CCDC149: variants seen among roughly 807,000 people sequenced by gnomAD.
CCDC149 encodes coiled-coil domain-containing protein 149.
A neutral mutation model predicts 59.9 loss-of-function variants in CCDC149; 45 were observed. The observed-to-expected ratio is 0.75, with a 90% CI of 0.59 to 0.96. CCDC149 has a LOEUF of 0.96. CCDC149 is among the 40% of genes least tolerant of loss of function. The pLI is 0.00. For synonymous variants in CCDC149, 245 were observed against 260.6 expected (o/e 0.94, Z 0.58); for missense variants, 584 against 664.7 (o/e 0.88, Z 1.33).
At chr4:24,890,094 G>A (rs1330774151) in intron 1 of CCDC149, among the ~76,000 whole-genome samples, 1 of 152,096 alleles carries the variant, frequency 6.6e-6, no homozygotes, top group Non-Finnish European at 1.5e-5. Flanking sequence ...GAAGCAATGC[G>A]GCACCTGGGC....
At chr4:24,813,558 G>C (rs1180072607) in intron 12 of CCDC149, among the ~76,000 whole-genome samples, 1 of 140,896 alleles carries the variant, frequency 7.1e-6, no homozygotes, top group African/African-American at 2.8e-5. Context: ...AATCTAACAA[G>C]TTTGAATTAA....
chr4:24,888,913 G>T (rs1453193102), intron 1 of CCDC149, among the ~76,000 whole-genome samples: 1 of 147,944 alleles, frequency 6.8e-6, no homozygotes, highest in Non-Finnish European at 1.5e-5. Flanking sequence ...TCTCTAAGAT[G>T]ACTTTTTTTT....
chr4:24,862,298 G>T (rs1402411992), intron 3 of CCDC149, among the ~76,000 whole-genome samples: 1 of 152,208 alleles, frequency 6.6e-6, no homozygotes, highest in East Asian at 1.9e-4. Context: ...CATAAAAACA[G>T]CAAAGCAACT....
In CCDC149 at chr4:24,833,628, A is replaced by G. The variant is rs115588136; in HGVS notation, c.820+1320T>C. ...AACAGAGTGAGACTGTCTCAAAAAA[A>G]AAGATATAGAATTATTTAACACTGC... On this transcript the variant is annotated intron_variant, in intron 8 of 12. Transcript: ENST00000635206. Among the ~76,000 whole-genome samples, 625 of 152,282 alleles carry G rather than the reference A, an allele frequency of 4.1e-3. 8 individuals are homozygous for G. Among genetic ancestry groups the G allele is most frequent in the African/African-American group, 0.014 (579 of 41,542 alleles).
At chr4:24,950,635 A>G (rs1413985491) in intron 1 of CCDC149, among the ~76,000 whole-genome samples, 3 of 152,212 alleles carry the variant, frequency 2.0e-5, no homozygotes, top group Non-Finnish European at 2.9e-5. Flanking sequence ...TCCAATCCTC[A>G]GTGTTCTCAT....
intron 1 of CCDC149, among the ~76,000 whole-genome samples, chr4:24,880,985 C>T (rs118155725): frequency 2.0e-5 from 3 of 152,276 alleles, no homozygotes; most frequent in East Asian, 1.9e-4. Flanking sequence ...GGAGAAAGCA[C>T]GGGGTAAGGG....
chr4:24,963,970 G>C (rs1723720326), intron 1 of CCDC149, among the ~76,000 whole-genome samples: 2 of 152,214 alleles, frequency 1.3e-5, no homozygotes, highest in Non-Finnish European at 2.9e-5. Flanking sequence ...CAAGGCAGGA[G>C]GATGGCTTGA....
Position 24,906,364 on chromosome 4 carries a change from AATTTT to A in CCDC149, c.63+6448_63+6452del, listed in dbSNP as rs1553859579. ...AGAGTAACTCAGGGGCAGCGGAACA[AATTTT>A]ATTTTATTTTATTTTATTTTATTTT... On this transcript the variant is annotated intron_variant, in intron 1 of 12. Transcript: ENST00000635206. 8.1e-4 allele frequency among the ~76,000 whole-genome samples: 34 copies of A among 42,036 alleles called. 1 individual carries two copies. Among genetic ancestry groups the A allele is most frequent in the Middle Eastern group, 0.013 (1 of 76 alleles). 27.6% of individuals were successfully genotyped at this position (42,036 alleles called of 152,430 possible).
At chr4:24,838,801 C>T (rs563897738) in intron 4 of CCDC149, among the ~76,000 whole-genome samples, 3 of 149,118 alleles carry the variant, frequency 2.0e-5, no homozygotes, top group African/African-American at 7.4e-5. Context: ...CAAAAAAAAA[C>T]CAACTAGAAA....
chr4:24,897,298 T>A, intron 1 of CCDC149, among the ~76,000 whole-genome samples: 1 of 152,156 alleles, frequency 6.6e-6, no homozygotes, highest in Non-Finnish European at 1.5e-5. Context: ...GTGGTTGTTT[T>A]CCAGGAGTGC....
intron 4 of CCDC149, among the ~76,000 whole-genome samples, chr4:24,850,604 G>T (rs1176331167): frequency 6.6e-6 from 1 of 152,180 alleles, no homozygotes; most frequent in Non-Finnish European, 1.5e-5. Flanking sequence ...TGTGGCTGCA[G>T]AAATGAGTAG....
chr4:24,873,026 C>T (rs1719145237), intron 3 of CCDC149, among the ~76,000 whole-genome samples: 1 of 144,224 alleles, frequency 6.9e-6, no homozygotes, highest in Admixed American at 6.7e-5. Flanking sequence ...TGGTATGCAC[C>T]CACCAAATGG....
At position 24,839,219 on chromosome 4, in the gene CCDC149, G is replaced by A. The variant is rs571517940; in HGVS notation, c.373-947C>T. Among the ~76,000 whole-genome samples the A allele has an allele frequency of 1.2e-4, 18 of 149,602 alleles. No homozygotes were observed. The South Asian group carries it at 3.0e-3, about 25-fold the overall frequency. On this transcript the variant is annotated intron_variant, in intron 4 of 12. Transcript: ENST00000635206. ...TTTTGAGACGGAGTCTCGCTCTGTCGCCCAGGCTGGAGTGCAGTGGCACGA... is the reference window on the plus strand; with the variant it reads ...TTTTGAGACGGAGTCTCGCTCTGTCACCCAGGCTGGAGTGCAGTGGCACGA...
At chr4:24,975,624 G>A (rs537768225) in intron 1 of CCDC149, among the ~76,000 whole-genome samples, 1 of 151,604 alleles carries the variant, frequency 6.6e-6, no homozygotes, top group African/African-American at 2.4e-5. Flanking sequence ...CCTGGGGAAG[G>A]AGCTCATTGA....
chr4:24,819,137 C>A (rs1560200337), intron 12 of CCDC149, among the ~76,000 whole-genome samples: 2 of 152,302 alleles, frequency 1.3e-5, no homozygotes, highest in East Asian at 3.9e-4. Flanking sequence ...GCTTTTCTCT[C>A]TATTCTACTG....
rs775510999 is a variant in CCDC149 at position 24,831,697 on chromosome 4, C to T, written c.821-47G>A. ...TAACTCAGTCGTCATTCTTCTGAAA[C>T]GCTGGAATGCAAACCAATGTCAATC... On this transcript the variant is annotated intron_variant, in intron 8 of 12. Transcript: ENST00000635206. The T allele has an allele frequency of 8.1e-5, 127 of 1,559,726 alleles. No individual in the cohort carries two copies. In the Admixed American group the frequency reaches 2.0e-3, roughly 24 times the overall value.
At chr4:24,816,330 G>A (rs948951740) in intron 12 of CCDC149, among the ~76,000 whole-genome samples, 1 of 151,994 alleles carries the variant, frequency 6.6e-6, no homozygotes, top group East Asian at 1.9e-4. Flanking sequence ...GGCCTCAAGC[G>A]ATCCTCTCAC....
intron 3 of CCDC149, among the ~76,000 whole-genome samples, chr4:24,861,014 G>A (rs920643552): frequency 3.3e-5 from 5 of 152,044 alleles, no homozygotes; most frequent in African/African-American, 1.2e-4. Flanking sequence ...ACTGCTGGTG[G>A]GAATGTAAAC....
At chr4:24,841,934 A>T (rs1716963339) in intron 4 of CCDC149, among the ~76,000 whole-genome samples, 3 of 152,270 alleles carry the variant, frequency 2.0e-5, no homozygotes, top group Admixed American at 6.5e-5. Context: ...AAACCAAAAC[A>T]TTGGGTGATT....
Sources: gnomAD v4.1 joint callset for allele counts (sites outside exome capture counted in the v4.1 genomes callset) on GRCh38, gnomAD v4.1.1 for gene constraint, MANE v1.5 for transcripts, NCBI Gene and HGNC (gene_info 2026-07-23, HGNC 2026-07-21) for gene names.